Variants in GRID2 observed in about 807,000 individuals in gnomAD.
GRID2 encodes glutamate ionotropic receptor delta type subunit 2.
GRID2 carries 33 observed loss-of-function variants against 114.8 expected under a neutral mutation model. The ratio of observed to expected loss-of-function variants is 0.29; its 90% confidence interval spans 0.22 to 0.38. The LOEUF (loss-of-function observed/expected upper bound fraction) is 0.38. Ranked by LOEUF, GRID2 falls within the 10% of genes least tolerant of loss-of-function variation. The probability of loss-of-function intolerance (pLI) is 1.00; values close to 1 mark genes in which losing one functional copy is unlikely to be tolerated. For missense variants in GRID2, 1,184 were observed against 1,257.7 expected, an observed-to-expected ratio of 0.94 and a Z score of 0.89; for synonymous variants, 505 against 449.9, an observed-to-expected ratio of 1.12 and a Z score of -1.55.
At chr4:93,410,498 G>T (rs1163518820) in intron 9 of GRID2, among the ~76,000 whole-genome samples, 1 of 152,064 alleles carries the variant, frequency 6.6e-6, no homozygotes, top group Non-Finnish European at 1.5e-5. Context: ...ACCTCCATTG[G>T]AATCCACTGG....
chr4:92,778,382 A>G (rs1483452681), intron 2 of GRID2, among the ~76,000 whole-genome samples: 2 of 152,090 alleles, frequency 1.3e-5, no homozygotes, highest in Non-Finnish European at 2.9e-5. Context: ...AGCAATTTGT[A>G]TGATTTTGCC....
chr4:92,999,153 T>C (rs1157723350), intron 2 of GRID2, among the ~76,000 whole-genome samples: 1 of 151,846 alleles, frequency 6.6e-6, no homozygotes, highest in Non-Finnish European at 1.5e-5. Context: ...GGTAGGAAAA[T>C]AGAAAATCAT....
intron 1 of GRID2, among the ~76,000 whole-genome samples, chr4:92,535,362 C>T (rs959865509): frequency 2.0e-5 from 3 of 152,076 alleles, no homozygotes; most frequent in African/African-American, 7.2e-5. Context: ...TATTCTCTTT[C>T]CCCCAAGTGC....
At chr4:93,743,930 G>A (rs1731624115) in intron 14 of GRID2, among the ~76,000 whole-genome samples, 2 of 152,122 alleles carry the variant, frequency 1.3e-5, no homozygotes, top group Non-Finnish European at 2.9e-5. Flanking sequence ...TCTTGTTAAG[G>A]CTGAATACAT....
intron 14 of GRID2, among the ~76,000 whole-genome samples, chr4:93,663,964 T>C (rs1191015702): frequency 6.6e-6 from 1 of 152,170 alleles, no homozygotes; most frequent in East Asian, 1.9e-4. Flanking sequence ...ATTCTAGTGC[T>C]ACAAAGGACA....
intron 13 of GRID2, among the ~76,000 whole-genome samples, chr4:93,543,915 T>G (rs1732926474): frequency 6.6e-6 from 1 of 152,162 alleles, no homozygotes; most frequent in Non-Finnish European, 1.5e-5. Flanking sequence ...ACCACAAAAA[T>G]GCAACCAATG....
intron 2 of GRID2, among the ~76,000 whole-genome samples, chr4:92,913,082 A>G (rs1344072126): frequency 3.3e-5 from 5 of 151,904 alleles, no homozygotes; most frequent in Non-Finnish European, 5.9e-5. Flanking sequence ...ATAATCATCA[A>G]TATTAATAAA....
intron 2 of GRID2, among the ~76,000 whole-genome samples, chr4:92,615,565 AG>A (rs999270381): frequency 6.6e-6 from 1 of 151,674 alleles, no homozygotes; most frequent in Non-Finnish European, 1.5e-5. Flanking sequence ...TTCTTAATCC[AG>A]TCTCAAAATT....
chr4:93,154,291 T>C (rs1449056082), intron 4 of GRID2, among the ~76,000 whole-genome samples: 1 of 152,028 alleles, frequency 6.6e-6, no homozygotes, highest in African/African-American at 2.4e-5. Flanking sequence ...CCCTCCAGTA[T>C]TTCTCCCCAC....
chr4:93,228,939 T>G (rs1234484756), intron 7 of GRID2, among the ~76,000 whole-genome samples: 1 of 152,104 alleles, frequency 6.6e-6, no homozygotes, highest in Non-Finnish European at 1.5e-5. Context: ...TGTTAGAAAA[T>G]TTATAACCAA....
At chr4:92,359,338 G>A (rs772933492) in intron 1 of GRID2, among the ~76,000 whole-genome samples, 22 of 151,964 alleles carry the variant, frequency 1.4e-4, no homozygotes, top group Non-Finnish European at 2.9e-4. Context: ...CATGAAACTA[G>A]TTTTGAGTCA....
intron 2 of GRID2, among the ~76,000 whole-genome samples, chr4:92,804,144 C>A (rs1259484674): frequency 6.6e-6 from 1 of 152,016 alleles, no homozygotes; most frequent in African/African-American, 2.4e-5. Context: ...CAGATTAAGG[C>A]CCACCCTAAC....
At chr4:92,522,598 C>T (rs370810467) in intron 1 of GRID2, among the ~76,000 whole-genome samples, 17 of 152,118 alleles carry the variant, frequency 1.1e-4, no homozygotes, top group African/African-American at 3.4e-4. Flanking sequence ...GCTCCAGCAA[C>T]GCTGCTAGTA....
At chr4:93,653,529 G>A (rs1722764754) in intron 14 of GRID2, among the ~76,000 whole-genome samples, 1 of 152,026 alleles carries the variant, frequency 6.6e-6, no homozygotes, top group Admixed American at 6.6e-5. Flanking sequence ...TGTGAAAATT[G>A]CCAACACAAC....
intron 2 of GRID2, among the ~76,000 whole-genome samples, chr4:92,658,325 TTCATC>T (rs1161997088): frequency 6.6e-6 from 1 of 151,790 alleles, no homozygotes; most frequent in Non-Finnish European, 1.5e-5. Flanking sequence ...ATTAAAATAT[TTCATC>T]TCATTAAAAT....
intron 10 of GRID2, among the ~76,000 whole-genome samples, chr4:93,448,519 A>G (rs1722307654): frequency 1.3e-5 from 2 of 151,992 alleles, no homozygotes; most frequent in South Asian, 2.1e-4. Flanking sequence ...AGTCAATCAT[A>G]TATTGATTGG....
chr4:92,429,480 T>G (rs1732331132), intron 1 of GRID2, among the ~76,000 whole-genome samples: 1 of 152,228 alleles, frequency 6.6e-6, no homozygotes, highest in African/African-American at 2.4e-5. Flanking sequence ...TACTGCATTT[T>G]CTTTGTCCTT....
chr4:92,998,267 A>G (rs2149213452), intron 2 of GRID2, among the ~76,000 whole-genome samples: 1 of 152,176 alleles, frequency 6.6e-6, no homozygotes, highest in East Asian at 1.9e-4. Flanking sequence ...TTCCTTGGTT[A>G]CCTTTTATTG....
chr4:92,613,689 A>AT (rs1002079550), intron 2 of GRID2, among the ~76,000 whole-genome samples: 12 of 151,158 alleles, frequency 7.9e-5, no homozygotes, highest in African/African-American at 2.7e-4. Flanking sequence ...GTTGTTGATA[A>AT]TTTTTTTTAT....
Sources: gnomAD v4.1 joint callset for allele counts (sites outside exome capture counted in the v4.1 genomes callset) on GRCh38, gnomAD v4.1.1 for gene constraint, MANE v1.5 for transcripts, NCBI Gene and HGNC (gene_info 2026-07-23, HGNC 2026-07-21) for gene names.